The following CMTM8 variants were observed in gnomAD, a reference collection of about 807,000 sequenced individuals.
The protein encoded by CMTM8 is CKLF like MARVEL transmembrane domain containing 8.
Under a neutral mutation model 18.6 loss-of-function variants are expected in CMTM8, and 12 were observed. The observed-to-expected ratio is 0.65, with a 90% CI of 0.41 to 1.05. The LOEUF (loss-of-function observed/expected upper bound fraction) is 1.05. CMTM8 is among the 50% of genes least tolerant of loss of function. CMTM8 has a pLI of 0.00. For synonymous variants in CMTM8, 87 were observed against 90.6 expected (o/e 0.96, Z 0.23); for missense variants, 217 against 227.2 (o/e 0.95, Z 0.29).
chr3:32,284,389 G>GA (rs752304838), intron 1 of CMTM8, among the ~76,000 whole-genome samples: 1 of 152,230 alleles, frequency 6.6e-6, no homozygotes, highest in Non-Finnish European at 1.5e-5. Flanking sequence ...TCTGCGAGGG[G>GA]AATCACATGC....
At chr3:32,260,657 AT>A (rs1309045535) in intron 1 of CMTM8, among the ~76,000 whole-genome samples, 2 of 124,884 alleles carry the variant, frequency 1.6e-5, no homozygotes, top group South Asian at 5.4e-4. Context: ...CCCAGCTGTG[AT>A]TTTTTTAAAG....
At chr3:32,295,388 G>A (rs1009380724) in intron 1 of CMTM8, among the ~76,000 whole-genome samples, 36 of 145,866 alleles carry the variant, frequency 2.5e-4, no homozygotes, top group African/African-American at 8.6e-4. Flanking sequence ...TCCAGGAGGC[G>A]GAGGTTGCAG....
At chr3:32,282,251 T>G (rs1004579510) in intron 1 of CMTM8, among the ~76,000 whole-genome samples, 3 of 152,096 alleles carry the variant, frequency 2.0e-5, no homozygotes, top group Admixed American at 2.0e-4. Context: ...TGACCCAGTT[T>G]TTTCAAAAAA....
rs1696835663 is a variant in CMTM8 at position 32,357,356 on chromosome 3, C to T, written c.148-17C>T. The T allele has an allele frequency of 6.2e-7, 1 of 1,610,352 alleles. No individual in the cohort carries two copies. The highest frequency in any genetic ancestry group is 1.3e-5 in the African/African-American group (1 of 74,818). On this transcript the variant is annotated splice_polypyrimidine_tract_variant and intron_variant, in intron 1 of 3. Transcript: ENST00000307526. The stretch of plus-strand genomic sequence containing the variant: ...CTACTGTCCCCTCCTCTCTCCACTG[C>T]TTCTACCACTTTACAGGTTCTGGGG...
chr3:32,315,320 AGGTTTTACCATGTTGGCCAG>A (rs1162546191), intron 1 of CMTM8, among the ~76,000 whole-genome samples: 1 of 151,934 alleles, frequency 6.6e-6, no homozygotes, highest in Non-Finnish European at 1.5e-5. Context: ...ATTAGAGGCG[AGGTTTTACCATGTTGGCCAG>A]GCTGGTCTCG....
chr3:32,327,358 G>T (rs1310503417), intron 1 of CMTM8, among the ~76,000 whole-genome samples: 2 of 152,162 alleles, frequency 1.3e-5, no homozygotes, highest in African/African-American at 4.8e-5. Flanking sequence ...TAAAAATGTG[G>T]TTGTTGATGC....
chr3:32,280,588 C>A (rs1053624068), intron 1 of CMTM8, among the ~76,000 whole-genome samples: 8 of 152,056 alleles, frequency 5.3e-5, no homozygotes, highest in Non-Finnish European at 1.2e-4. Context: ...AACCAGCATG[C>A]TTGAGCCCAC....
intron 1 of CMTM8, among the ~76,000 whole-genome samples, chr3:32,342,672 G>A (rs1696522030): frequency 6.6e-6 from 1 of 152,192 alleles, no homozygotes; most frequent in South Asian, 2.1e-4. Context: ...TACATGCAGG[G>A]AGCTGGAAGT....
chr3:32,258,676 A>AT (rs1187754726), intron 1 of CMTM8, among the ~76,000 whole-genome samples: 1 of 151,892 alleles, frequency 6.6e-6, no homozygotes, highest in East Asian at 1.9e-4. Context: ...TGCCTGGCTG[A>AT]TTTTTTTAAT....
intron 1 of CMTM8, among the ~76,000 whole-genome samples, chr3:32,292,470 A>G (rs1490130920): frequency 6.6e-6 from 1 of 152,168 alleles, no homozygotes; most frequent in Non-Finnish European, 1.5e-5. Flanking sequence ...TCAAATAGGC[A>G]TAGACTGCGT....
intron 1 of CMTM8, among the ~76,000 whole-genome samples, chr3:32,351,517 G>A (rs964806179): frequency 3.9e-5 from 6 of 152,072 alleles, no homozygotes; most frequent in Non-Finnish European, 8.8e-5. Flanking sequence ...AGACCAGCCT[G>A]GGCAACATAG....
chr3:32,368,004 T>C lies in CMTM8; in HGVS notation c.438+16T>C. 2 of 1,497,714 alleles carry C rather than the reference T, an allele frequency of 1.3e-6. No individual in the cohort carries two copies. Among genetic ancestry groups the C allele is most frequent in the African/African-American group, 2.7e-5 (2 of 72,736 alleles). 92.8% of individuals were successfully genotyped at this position (1,497,714 alleles called of 1,614,324 possible). ...GGCCTCATCGGTGAGTAGCCCTCCA[T>C]CCCCACATGATCCTCCTCTTCCCTC... On this transcript the variant is annotated intron_variant, in intron 3 of 3. Transcript: ENST00000307526.
intron 1 of CMTM8, among the ~76,000 whole-genome samples, chr3:32,329,967 A>G (rs892069677): frequency 1.1e-4 from 16 of 152,224 alleles, no homozygotes; most frequent in Admixed American, 2.6e-4. Context: ...TGAGCAATCA[A>G]AAAAGGAAGT....
intron 1 of CMTM8, 86 bp from the exon 2 acceptor site, chr3:32,357,287 T>A (rs9810923): frequency 1.1e-6 from 1 of 925,642 alleles, no homozygotes; most frequent in Non-Finnish European, 1.7e-6. Context: ...TCTGTATAAT[T>A]ATTTTTTTTT....
At chr3:32,261,102 G>A (rs562557608) in intron 1 of CMTM8, among the ~76,000 whole-genome samples, 5 of 151,596 alleles carry the variant, frequency 3.3e-5, no homozygotes, top group African/African-American at 1.2e-4. Flanking sequence ...CATGACTGTA[G>A]TCCCAGACAC....
At chr3:32,283,808 T>G (rs1236173803) in intron 1 of CMTM8, among the ~76,000 whole-genome samples, 1 of 152,206 alleles carries the variant, frequency 6.6e-6, no homozygotes, top group Non-Finnish European at 1.5e-5. Flanking sequence ...TCAGATGTGC[T>G]CGTAGTTTAT....
chr3:32,267,888 A>G (rs1394647780), intron 1 of CMTM8, among the ~76,000 whole-genome samples: 2 of 152,240 alleles, frequency 1.3e-5, no homozygotes, highest in East Asian at 1.9e-4. Context: ...AATCAAAACC[A>G]TAATGAGATA....
intron 1 of CMTM8, among the ~76,000 whole-genome samples, chr3:32,266,370 T>A (rs1418764707): frequency 6.6e-5 from 10 of 152,282 alleles, no homozygotes; most frequent in African/African-American, 2.2e-4. Flanking sequence ...ATTATCTCAA[T>A]AGATGCAGAA....
At chr3:32,354,462 A>T (rs1159135966) in intron 1 of CMTM8, among the ~76,000 whole-genome samples, 3 of 152,192 alleles carry the variant, frequency 2.0e-5, no homozygotes, top group Non-Finnish European at 4.4e-5. Context: ...TCAGTTAACA[A>T]TATTGTGCCT....
Sources: gnomAD v4.1 joint callset for allele counts (sites outside exome capture counted in the v4.1 genomes callset) on GRCh38, gnomAD v4.1.1 for gene constraint, MANE v1.5 for transcripts, NCBI Gene and HGNC (gene_info 2026-07-23, HGNC 2026-07-21) for gene names.